LAMC3: variants seen among roughly 807,000 people sequenced by gnomAD.
LAMC3 encodes laminin subunit gamma-3.
A neutral mutation model predicts 173.8 loss-of-function variants in LAMC3; 128 were observed. The observed-to-expected ratio is 0.74, with a 90% CI of 0.64 to 0.85. LAMC3 has a LOEUF of 0.85. Ranked by LOEUF, LAMC3 falls within the 40% of genes least tolerant of loss-of-function variation. The pLI is 0.00. For missense variants in LAMC3, 2,022 were observed against 2,156.0 expected (o/e 0.94, Z 1.23); for synonymous variants, 897 against 909.1 (o/e 0.99, Z 0.24).
In LAMC3 at chr9:131,026,163, C is replaced by G; in HGVS notation, c.374-122C>G. The G allele has an allele frequency of 6.5e-7, 1 of 1,546,836 alleles. No individual in the cohort carries two copies. Among genetic ancestry groups the G allele is most frequent in the Non-Finnish European group, 8.7e-7 (1 of 1,145,776 alleles). ...AGGGTGGCTTCCCCTGTCCAGAGCT[C>G]CAGACAGCTTCCAGCGATCCATCCA... is the stretch of plus-strand genomic sequence containing the variant. On this transcript the variant is annotated intron_variant, in intron 1 of 27. Transcript: ENST00000361069. The surrounding 1 kb of genome is among the most constrained non-coding windows in gnomAD (Gnocchi z 4.8).
chr9:131,079,284 G>A lies in LAMC3; in HGVS notation c.3913G>A (p.Glu1305Lys). Residue 1305 changes from glutamate (E) to lysine (K), a missense_variant, in exon 23 of 28, where the codon GAA becomes AAA. By Grantham distance (56) the Glu-to-Lys change is moderately conservative. Transcript: ENST00000361069. ...TGCCCAGGCGACGCTACGGCAAACAGAACCCCTCACAAAGGTCAGCTCTTG... is the reference window on the plus strand; with the variant it reads ...TGCCCAGGCGACGCTACGGCAAACAAAACCCCTCACAAAGGTCAGCTCTTG... ...TAAQATLRQT[E>K]PLTKLHQEAR... The A allele has an allele frequency of 1.2e-6, 2 of 1,614,192 alleles. No individual in the cohort carries two copies. The highest frequency in any genetic ancestry group is 1.1e-5 in the South Asian group (1 of 91,076).
chr9:131,048,885 C>G (rs1834226660), intron 8 of LAMC3, 135 bp from the exon 9 acceptor site: 1 of 605,758 alleles, frequency 1.7e-6, no homozygotes, highest in East Asian at 2.8e-5. Flanking sequence ...TGCCCCCAAG[C>G]AGATCCGGGT....
chr9:131,072,334 A>G (rs1482968531), intron 18 of LAMC3, among the ~76,000 whole-genome samples: 1 of 152,162 alleles, frequency 6.6e-6, no homozygotes, highest in Non-Finnish European at 1.5e-5. Flanking sequence ...CACATTGTGA[A>G]TCAGAGCTGA....
chr9:131,040,280 T>A (rs1834025961), intron 6 of LAMC3, among the ~76,000 whole-genome samples: 1 of 151,968 alleles, frequency 6.6e-6, no homozygotes, highest in South Asian at 2.1e-4. Flanking sequence ...CAGACTCAAG[T>A]GATCCTCTCA....
chr9:131,077,359 C>T lies in LAMC3; in HGVS notation c.3777+25C>T, dbSNP rs763611086. ...GGTCAGCTCAGTTGTCTCAGAGCTC[C>T]GTGTGGGGTCGGGAGGATCTATTAT... On this transcript the variant is annotated intron_variant, in intron 22 of 27. Transcript: ENST00000361069. The T allele has an allele frequency of 8.7e-6, 14 of 1,612,208 alleles. No homozygotes were observed. The Admixed American group carries it at 1.0e-4, about 12-fold the overall frequency.
chr9:131,088,945 C>G (rs189455321), intron 27 of LAMC3, among the ~76,000 whole-genome samples: 2 of 152,140 alleles, frequency 1.3e-5, no homozygotes, highest in Admixed American at 1.3e-4. Flanking sequence ...ATTAGCCAGG[C>G]ATGGTGGCAC....
intron 6 of LAMC3, among the ~76,000 whole-genome samples, chr9:131,040,460 A>G (rs558854976): frequency 2.6e-4 from 40 of 152,282 alleles, no homozygotes; most frequent in African/African-American, 9.4e-4. Flanking sequence ...TACAGACGTG[A>G]GTCACCGCGC....
At chr9:131,046,119 A>G (rs912266841) in intron 8 of LAMC3, among the ~76,000 whole-genome samples, 3 of 148,784 alleles carry the variant, frequency 2.0e-5, no homozygotes, top group Non-Finnish European at 4.4e-5. Context: ...AAGGTAGGCC[A>G]CTTGCCTGAG....
chr9:131,043,075 C>T (rs1158549399), intron 7 of LAMC3, among the ~76,000 whole-genome samples: 1 of 152,214 alleles, frequency 6.6e-6, no homozygotes, highest in Non-Finnish European at 1.5e-5. Flanking sequence ...ACTATAACCT[C>T]AGGATCCTTC....
At chr9:131,072,907 A>T in intron 19 of LAMC3, 72 bp downstream of exon 19, 4 of 1,415,838 alleles carry the variant, frequency 2.8e-6, no homozygotes, top group East Asian at 2.4e-5. Context: ...CCTCCCATTG[A>T]CCTGGTGACC....
rs747496537 is a variant in LAMC3, at chr9:131,056,984, G to A, written c.1995G>A (p.Pro665=). 5.6e-6 allele frequency: 9 copies of A among 1,613,816 alleles called. No individual in the cohort carries two copies. Among genetic ancestry groups the A allele is most frequent in the African/African-American group, 2.7e-5 (2 of 74,914 alleles). The part of the protein sequence containing the change: ...RLTSARPGLS[P]PASWVEICSC... ...CATCCGCCCGGCCAGGGCTTTCCCC[G>A]CCAGCCTCCTGGGTGGAGATTTGTT... is the stretch of plus-strand genomic sequence containing the variant. Residue 665 remains proline (P), a synonymous_variant, in exon 12 of 28, where the codon CCG becomes CCA. Coordinates refer to ENST00000361069, the MANE Select transcript of LAMC3 (RefSeq NM_006059.4).
Position 131,072,702 on chromosome 9 carries a change from A to G in LAMC3, c.3284A>G (p.Gln1095Arg). The stretch of plus-strand genomic sequence containing the variant: ...GTCAAGGCCGCCCGGGAGCAGCTGC[A>G]GAGGCTGAACAAGGGTGCCCGCTGT... Reference protein sequence around the residue: ...GAVKAAREQLQRLNKGARCAQ... With the variant: ...GAVKAAREQLRRLNKGARCAQ... Residue 1095 changes from glutamine to arginine, a missense_variant, in exon 19 of 28, where the codon CAG becomes CGG. Physicochemically the swap from Gln to Arg is conservative, Grantham distance 43. Coordinates refer to ENST00000361069, the MANE Select transcript of LAMC3 (RefSeq NM_006059.4). 6.2e-7 allele frequency: 1 copy of G among 1,612,388 alleles called. No homozygotes were observed.
intron 9 of LAMC3, among the ~76,000 whole-genome samples, chr9:131,049,876 C>T (rs995238763): frequency 1.3e-5 from 2 of 152,214 alleles, no homozygotes; most frequent in East Asian, 1.9e-4. Flanking sequence ...GGTCTCCTGG[C>T]GACTGTCTCA....
chr9:131,057,951 G>A (rs1829725449), intron 12 of LAMC3, among the ~76,000 whole-genome samples: 1 of 152,210 alleles, frequency 6.6e-6, no homozygotes, highest in South Asian at 2.1e-4. Context: ...CATCCCTGCG[G>A]GGCCGGGACC....
At chr9:131,086,587 T>TTTTTTTTTTTTTTG (rs1830336041) in intron 25 of LAMC3, among the ~76,000 whole-genome samples, 1 of 145,360 alleles carries the variant, frequency 6.9e-6, no homozygotes, top group Non-Finnish European at 1.5e-5. Flanking sequence ...TTTTTTTTTT[T>TTTTTTTTTTTTTTG]GCAGAGATGA....
At chr9:131,036,484 G>C (rs1358282383) in intron 4 of LAMC3, 152 bp downstream of exon 4, 10 of 868,962 alleles carry the variant, frequency 1.2e-5, no homozygotes, top group Non-Finnish European at 1.9e-5. Flanking sequence ...ATAAGGACGA[G>C]CAGAAGGGGA....
intron 1 of LAMC3, among the ~76,000 whole-genome samples, chr9:131,015,026 C>T (rs1588135404): frequency 2.0e-5 from 3 of 152,112 alleles, no homozygotes; most frequent in Admixed American, 2.0e-4. Flanking sequence ...GGGACTGTTC[C>T]AAGTGCTTCC....
At chr9:131,052,258 A>G (rs1834303071) in intron 9 of LAMC3, among the ~76,000 whole-genome samples, 1 of 152,164 alleles carries the variant, frequency 6.6e-6, no homozygotes, top group Non-Finnish European at 1.5e-5. Context: ...AGATAAAATT[A>G]TTAAGAATGT....
chr9:131,047,725 T>C (rs1201187510), intron 8 of LAMC3, among the ~76,000 whole-genome samples: 3 of 150,934 alleles, frequency 2.0e-5, no homozygotes, highest in Non-Finnish European at 3.0e-5. Context: ...TAGCCAGGCG[T>C]GGTGGCCAGC....
Sources: gnomAD v4.1 joint callset for allele counts (sites outside exome capture counted in the v4.1 genomes callset) on GRCh38, gnomAD v4.1.1 for gene constraint, Gnocchi (gnomAD v3.1) non-coding constraint, MANE v1.5 for transcripts, NCBI Gene and HGNC (gene_info 2026-07-23, HGNC 2026-07-21) for gene names.